Variants in TRIP4 observed in about 807,000 individuals in gnomAD.
TRIP4 encodes activating signal cointegrator 1.
A neutral mutation model predicts 81.8 loss-of-function variants in TRIP4; 54 were observed. That is an observed-to-expected ratio of 0.66 (90% CI 0.53 to 0.83). TRIP4 has a LOEUF of 0.83. TRIP4 is among the 40% of genes least tolerant of loss of function. The pLI is 0.00. For synonymous variants in TRIP4, 270 were observed against 242.8 expected, an observed-to-expected ratio of 1.11 and a Z score of -1.04; for missense variants, 662 against 683.6, an observed-to-expected ratio of 0.97 and a Z score of 0.35.
At chr15:64,441,665 C>T (rs1388091580) in intron 11 of TRIP4, among the ~76,000 whole-genome samples, 1 of 152,000 alleles carries the variant, frequency 6.6e-6, no homozygotes, top group Non-Finnish European at 1.5e-5. Flanking sequence ...CCCAGCCACT[C>T]GGGAGGCTGA....
chr15:64,424,298 T>TA (rs1892089838), intron 10 of TRIP4, 143 bp downstream of exon 10: 2 of 1,159,242 alleles, frequency 1.7e-6, no homozygotes, highest in South Asian at 3.3e-5. Context: ...TGTTTAGTGG[T>TA]AAATCATTGA....
At chr15:64,425,130 C>G (rs1892113239) in intron 10 of TRIP4, among the ~76,000 whole-genome samples, 1 of 152,020 alleles carries the variant, frequency 6.6e-6, no homozygotes, top group Admixed American at 6.6e-5. Context: ...TAAAGACATT[C>G]ATTCTTATGG....
intron 9 of TRIP4, among the ~76,000 whole-genome samples, chr15:64,419,006 T>C (rs763574229): frequency 1.4e-5 from 2 of 148,036 alleles, no homozygotes; most frequent in African/African-American, 2.4e-5. Flanking sequence ...ATAACAAAGA[T>C]AGAAGACTAA....
intron 6 of TRIP4, among the ~76,000 whole-genome samples, chr15:64,407,913 A>C (rs998723440): frequency 2.0e-5 from 3 of 152,058 alleles, no homozygotes; most frequent in African/African-American, 7.2e-5. Flanking sequence ...CCTGGGCAGC[A>C]TAGCAAAACC....
At chr15:64,394,506 G>A (rs1251639338) in intron 2 of TRIP4, among the ~76,000 whole-genome samples, 1 of 151,604 alleles carries the variant, frequency 6.6e-6, no homozygotes, top group Admixed American at 6.6e-5. Context: ...TCAGGAGGCT[G>A]AGGCAGGAGA....
At position 64,438,381 on chromosome 15, in the gene TRIP4, A is replaced by G. The variant is rs147231440; in HGVS notation, c.1576-6625A>G. Among the ~76,000 whole-genome samples, 461 of 152,248 alleles carry G rather than the reference A, an allele frequency of 3.0e-3. 3 individuals are homozygous for G. The highest frequency in any genetic ancestry group is 0.02 in the Middle Eastern group (6 of 294). ...GTTGCCTAGGCTGGAGTGCAATGGCACGATCTCAGCTCACTGCAACCTCTG... is the reference window on the plus strand; with the variant it reads ...GTTGCCTAGGCTGGAGTGCAATGGCGCGATCTCAGCTCACTGCAACCTCTG... On this transcript the variant is annotated intron_variant, in intron 11 of 12. Transcript: ENST00000261884.
chr15:64,392,799 G>A (rs1249424826), intron 1 of TRIP4, among the ~76,000 whole-genome samples: 1 of 151,908 alleles, frequency 6.6e-6, no homozygotes, highest in Non-Finnish European at 1.5e-5. Flanking sequence ...TTTTCTTCTA[G>A]AGACAAGGTC....
At chr15:64,436,432 G>A (rs1271870907) in intron 11 of TRIP4, among the ~76,000 whole-genome samples, 3 of 150,602 alleles carry the variant, frequency 2.0e-5, no homozygotes, top group Non-Finnish European at 3.0e-5. Context: ...TCTCTACTAA[G>A]AATATAAAAA....
intron 11 of TRIP4, among the ~76,000 whole-genome samples, chr15:64,435,562 A>G (rs1468351536): frequency 2.7e-5 from 4 of 150,854 alleles, no homozygotes; most frequent in Non-Finnish European, 5.9e-5. Flanking sequence ...TGCTTAGGAT[A>G]TTATATAATC....
intron 5 of TRIP4, among the ~76,000 whole-genome samples, chr15:64,405,907 G>T (rs115642800): frequency 6.6e-6 from 1 of 152,070 alleles, no homozygotes; most frequent in African/African-American, 2.4e-5. Flanking sequence ...TGGAAGGATC[G>T]CCTGAGCCTA....
chr15:64,396,321 G>C (rs1480823039), intron 3 of TRIP4, among the ~76,000 whole-genome samples: 1 of 128,524 alleles, frequency 7.8e-6, no homozygotes, highest in Non-Finnish European at 1.6e-5. Flanking sequence ...CTGTCACCCA[G>C]GCTGGAGTGC....
At chr15:64,403,155 C>A (rs1891549398) in intron 5 of TRIP4, among the ~76,000 whole-genome samples, 1 of 148,274 alleles carries the variant, frequency 6.7e-6, no homozygotes, top group East Asian at 2.0e-4. Context: ...AGCCACCGCA[C>A]CCCTATTTTT....
intron 5 of TRIP4, among the ~76,000 whole-genome samples, chr15:64,401,926 TC>T (rs2140286563): frequency 6.6e-6 from 1 of 152,250 alleles, no homozygotes; most frequent in Non-Finnish European, 1.5e-5. Context: ...TGAAGAAACG[TC>T]ACAGATCAGA....
At chr15:64,409,136 G>A (rs769302501) in intron 6 of TRIP4, among the ~76,000 whole-genome samples, 51 of 151,732 alleles carry the variant, frequency 3.4e-4, no homozygotes, top group Non-Finnish European at 6.2e-4. Flanking sequence ...CTTGAACTGA[G>A]GAGGCAGTCA....
At chr15:64,431,847 A>ATTT (rs1555411171) in intron 11 of TRIP4, among the ~76,000 whole-genome samples, 3 of 119,558 alleles carry the variant, frequency 2.5e-5, no homozygotes, top group Admixed American at 9.7e-5. Context: ...ATATATATAT[A>ATTT]TTTTTTTTAT....
chr15:64,450,866 T>C lies in TRIP4; in HGVS notation c.1679-4131T>C, dbSNP rs906817830. 46 of 325,956 alleles carry C rather than the reference T, an allele frequency of 1.4e-4. 1 individual carries two copies. Among genetic ancestry groups the C allele is most frequent in the African/African-American group, 9.8e-4 (46 of 46,998 alleles). 20.2% of individuals were successfully genotyped at this position (325,956 alleles called of 1,614,324 possible). On this transcript the variant is annotated intron_variant, in intron 12 of 12. Coordinates refer to ENST00000261884, the MANE Select transcript of TRIP4 (RefSeq NM_016213.5). ...TCTCACTTGAGGGCTTTCATAATCA[T>C]ACTGGAGTTTCCTGAAACGTAAAAT...
At chr15:64,450,553 C>T in intron 12 of TRIP4, 1 of 399,828 alleles carries the variant, frequency 2.5e-6, no homozygotes, top group Non-Finnish European at 5.1e-6. Flanking sequence ...TTGCCCACAG[C>T]TGGCCCAAGA....
chr15:64,423,419 C>T (rs755661423), intron 9 of TRIP4, among the ~76,000 whole-genome samples: 13 of 138,294 alleles, frequency 9.4e-5, no homozygotes, highest in South Asian at 2.4e-4. Flanking sequence ...GCCGAGGTCG[C>T]GCCACTGCTC....
chr15:64,412,643 A>G (rs1272250356), intron 7 of TRIP4, among the ~76,000 whole-genome samples: 1 of 60,066 alleles, frequency 1.7e-5, no homozygotes, highest in Non-Finnish European at 5.9e-5. Context: ...TTCCTAACAA[A>G]CATATATTGA....
Sources: gnomAD v4.1 joint callset for allele counts (sites outside exome capture counted in the v4.1 genomes callset) on GRCh38, gnomAD v4.1.1 for gene constraint, MANE v1.5 for transcripts, NCBI Gene and HGNC (gene_info 2026-07-23, HGNC 2026-07-21) for gene names.